CCL5: variants seen among roughly 807,000 people sequenced by gnomAD.
CCL5 encodes the protein C-C motif chemokine 5.
A neutral mutation model predicts 9.0 loss-of-function variants in CCL5; 5 were observed. That is an observed-to-expected ratio of 0.55 (90% CI 0.29 to 1.16). The LOEUF (loss-of-function observed/expected upper bound fraction) is 1.16, where lower values mean the gene tolerates loss of function less well. Ranked by LOEUF, CCL5 falls within the 50% of genes most tolerant of loss-of-function variation. The pLI is 0.08. For synonymous variants in CCL5, 66 were observed against 72.0 expected, an observed-to-expected ratio of 0.92 and a Z score of 0.42; for missense variants, 183 against 183.2, an observed-to-expected ratio of 1.00 and a Z score of 0.01.
At chr17:35,878,733 A>G in intron 1 of CCL5, 94 bp from the exon 2 acceptor site, 1 of 739,726 alleles carries the variant, frequency 1.4e-6, no homozygotes, top group Non-Finnish European at 2.3e-6. Context: ...ATTTAGAAAG[A>G]ACTGTTATCT....
In CCL5 at chr17:35,878,524, TCA is replaced by T. The variant is rs1010340646; in HGVS notation, c.188+2_188+3del. On this transcript the variant is annotated splice_donor_variant and splice_donor_region_variant and intron_variant, in intron 2 of 3. Coordinates refer to ENST00000651122, the MANE Select transcript of CCL5 (RefSeq NM_001278736.2). LOFTEE classifies it high-confidence loss of function. The stretch of plus-strand genomic sequence containing the variant: ...TGGGAGGGCTCCATGGGGCTGAGAC[TCA>T]CACGACTGCTGGGTTGGAGCACTTG... 50 of 1,606,642 alleles carry T rather than the reference TCA, an allele frequency of 3.1e-5. No homozygotes were observed. The highest frequency in any genetic ancestry group is 4.2e-5 in the Non-Finnish European group (49 of 1,173,558).
Position 35,872,283 on chromosome 17 carries a change from G to A in CCL5, c.452C>T (p.Pro151Leu), listed in dbSNP as rs751997637. The A allele has an allele frequency of 5.7e-6, 9 of 1,575,762 alleles. No individual in the cohort carries two copies. The Admixed American group carries it at 8.8e-5, about 15-fold the overall frequency. Residue 151 changes from proline to leucine, a missense_variant, in exon 4 of 4, where the codon CCA becomes CTA. By Grantham distance (98) the Pro-to-Leu change is moderately conservative (BLOSUM62 -3). Transcript: ENST00000651122. The stretch of plus-strand genomic sequence containing the variant: ...AATCTGGGCCCTTCAAGGAGCGGGT[G>A]GGGTAGGATAGTGAGGGGAAGCCTC...
At position 35,875,613 on chromosome 17, in the gene CCL5, C is replaced by G; in HGVS notation, c.218G>C (p.Gly73Ala). The change falls in exon 3 of 4, where the codon GGA becomes GCA. Residue 73 changes from glycine to alanine, a missense_variant. Physicochemically the swap from Gly to Ala is moderately conservative, Grantham distance 60. Transcript: ENST00000651122. Reference sequence around the variant, plus strand: ...CAGGAAATCCTGCCAGACTTGCTGTCCCTCTCTCTTTGGCATCCTTGACCT... The same window carrying G: ...CAGGAAATCCTGCCAGACTTGCTGTGCCTCTCTCTTTGGCATCCTTGACCT... The G allele has an allele frequency of 1.0e-6, 1 of 985,400 alleles. No homozygotes were observed. The highest frequency in any genetic ancestry group is 1.2e-6 in the Non-Finnish European group (1 of 829,936). 61.0% of individuals were successfully genotyped at this position (985,400 alleles called of 1,614,324 possible).
Position 35,872,374 on chromosome 17 carries a change from A to G in CCL5, c.361T>C (p.Trp121Arg). The change falls in exon 4 of 4, where the codon TGG (tryptophan) becomes CGG (arginine). Residue 121 changes from tryptophan (W) to arginine (R), a missense_variant. Coordinates refer to ENST00000651122, the MANE Select transcript of CCL5 (RefSeq NM_001278736.2). ...GTAAGTTCAGGTTCAAGGACTCTCCATCCTAGCTCATCTCCAAAGAGTTGA... is the reference window on the plus strand; with the variant it reads ...GTAAGTTCAGGTTCAAGGACTCTCCGTCCTAGCTCATCTCCAAAGAGTTGA... The G allele has an allele frequency of 6.2e-7, 1 of 1,613,726 alleles. No individual in the cohort carries two copies. The highest frequency in any genetic ancestry group is 8.5e-7 in the Non-Finnish European group (1 of 1,179,898).
intron 1 of CCL5, among the ~76,000 whole-genome samples, chr17:35,879,674 A>C (rs1392321257): frequency 2.0e-5 from 3 of 151,420 alleles, no homozygotes; most frequent in African/African-American, 7.3e-5. Context: ...TGCCAAAATC[A>C]GCACAATGCC....
At chr17:35,879,110 A>G (rs2088480345) in intron 1 of CCL5, among the ~76,000 whole-genome samples, 1 of 152,212 alleles carries the variant, frequency 6.6e-6, no homozygotes, top group South Asian at 2.1e-4. Context: ...GGCTCTCAAC[A>G]GAGAACTTCT....
chr17:35,873,412 C>T (rs190805829), intron 3 of CCL5, among the ~76,000 whole-genome samples: 40 of 152,016 alleles, frequency 2.6e-4, no homozygotes, highest in African/African-American at 9.7e-4. Context: ...TGGTCTCGAT[C>T]TCCTGACCTC....
At chr17:35,878,780 A>T in intron 1 of CCL5, 141 bp from the exon 2 acceptor site, 1 of 611,438 alleles carries the variant, frequency 1.6e-6, no homozygotes, top group Non-Finnish European at 2.9e-6. Context: ...AGGTAAAGTC[A>T]CTTGGCCATG....
chr17:35,873,325 C>T (rs543203163), intron 3 of CCL5, among the ~76,000 whole-genome samples: 9 of 152,158 alleles, frequency 5.9e-5, no homozygotes, highest in Admixed American at 5.2e-4. Flanking sequence ...GTAGTTGGGA[C>T]TATAGGCGCC....
intron 3 of CCL5, 35 bp from the exon 3 acceptor site, chr17:35,872,499 C>G (rs112389936): frequency 6.3e-7 from 1 of 1,588,474 alleles, no homozygotes. Flanking sequence ...AGGATGAGAC[C>G]TTGTCAGTAC....
At chr17:35,877,234 G>T (rs1363177150) in intron 2 of CCL5, among the ~76,000 whole-genome samples, 1 of 152,114 alleles carries the variant, frequency 6.6e-6, no homozygotes, top group Admixed American at 6.5e-5. Context: ...CCCTGGCTGG[G>T]TACAGTAGCT....
At chr17:35,879,635 CAAAAAAA>C (rs35764706) in intron 1 of CCL5, among the ~76,000 whole-genome samples, 6 of 48,666 alleles carry the variant, frequency 1.2e-4, no homozygotes, top group African/African-American at 4.3e-4. Context: ...GACTCCATCT[CAAAAAAA>C]AAAAAAAAAA....
Position 35,875,580 on chromosome 17 carries a change from G to A in CCL5, c.251C>T (p.Ser84Phe). The change falls in exon 3 of 4, where the codon TCC (serine) becomes TTC (phenylalanine). Residue 84 changes from serine to phenylalanine, a missense_variant. By Grantham distance (155) the Ser-to-Phe change is radical. Coordinates refer to ENST00000651122, the MANE Select transcript of CCL5 (RefSeq NM_001278736.2). The stretch of plus-strand genomic sequence containing the variant: ...ACAGACCTTGCCCTTGTTCAGCCGG[G>A]AGTCATACAGGAAATCCTGCCAGAC... 1.0e-6 allele frequency: 1 copy of A among 985,248 alleles called. No homozygotes were observed. Among genetic ancestry groups the A allele is most frequent in the Non-Finnish European group, 1.2e-6 (1 of 829,768 alleles). 61.0% of individuals were successfully genotyped at this position (985,248 alleles called of 1,614,324 possible). A position where few individuals can be genotyped will look rare whatever the true frequency, so the allele number is the denominator to read the frequency against.
intron 1 of CCL5, 74 bp downstream of exon 1, chr17:35,880,156 A>G (rs559268355): frequency 8.9e-7 from 1 of 1,126,040 alleles, no homozygotes; most frequent in Non-Finnish European, 1.3e-6. Context: ...GGTGTGGGAC[A>G]GTCATTGGGA....
intron 1 of CCL5, 39 bp from the exon 2 acceptor site, chr17:35,878,678 T>C: frequency 8.5e-7 from 1 of 1,179,310 alleles, no homozygotes; most frequent in Non-Finnish European, 1.3e-6. Flanking sequence ...CTTTTATTCA[T>C]TGCTACTGCA....
Position 35,871,647 on chromosome 17 carries a change from T to TGGCAAAGCCAA in CCL5, c.*612_*622dup. 6.6e-6 allele frequency: 1 copy of TGGCAAAGCCAA among 152,412 alleles called. No individual in the cohort carries two copies. Among genetic ancestry groups the TGGCAAAGCCAA allele is most frequent in the East Asian group, 1.9e-4 (1 of 5,182 alleles). 9.4% of individuals were successfully genotyped at this position (152,412 alleles called of 1,614,324 possible). A position where few individuals can be genotyped will look rare whatever the true frequency, so the allele number is the denominator to read the frequency against. ...GACTTCCTTCCTGGTCACAGAGCCC[T>TGGCAAAGCCAA]GGCAAAGCCAAGGCAAAGCCAGAGC... On this transcript the variant is annotated 3_prime_UTR_variant, in exon 4 of 4. Transcript: ENST00000651122.
chr17:35,878,497 T>A, intron 2 of CCL5, 31 bp downstream of exon 2: 1 of 1,492,764 alleles, frequency 6.7e-7, no homozygotes, highest in Non-Finnish European at 9.3e-7. Flanking sequence ...GGGAACAGGC[T>A]CTGGGAGGGC....
At chr17:35,878,310 A>T (rs62078238) in intron 2 of CCL5, among the ~76,000 whole-genome samples, 8 of 147,046 alleles carry the variant, frequency 5.4e-5, no homozygotes, top group Admixed American at 1.4e-4. Context: ...AAAAAAAAAA[A>T]AGATTGGAGT....
At chr17:35,872,868 T>A (rs1318567566) in intron 3 of CCL5, among the ~76,000 whole-genome samples, 2 of 152,018 alleles carry the variant, frequency 1.3e-5, no homozygotes, top group African/African-American at 4.8e-5. Context: ...CATGATTGAA[T>A]AAGTGGGAGA....
Sources: allele counts gnomAD v4.1 joint callset (sites outside exome capture counted in the v4.1 genomes callset), GRCh38; gene constraint gnomAD v4.1.1; transcripts MANE v1.5; gene names NCBI Gene and HGNC (gene_info 2026-07-23, HGNC 2026-07-21).